The following REST variants were observed in gnomAD, a reference collection of about 807,000 sequenced individuals.
REST encodes RE1-silencing transcription factor.
A neutral mutation model predicts 30.4 loss-of-function variants in REST; 1 was observed. The observed-to-expected ratio is 0.03, with a 90% CI of 0.01 to 0.16. REST has a LOEUF of 0.16. Ranked by LOEUF, REST falls within the 10% of genes least tolerant of loss-of-function variation. The pLI is 1.00. For missense variants in REST, 1,259 were observed against 1,329.5 expected, an observed-to-expected ratio of 0.95 and a Z score of 0.82; for synonymous variants, 504 against 451.1, an observed-to-expected ratio of 1.12 and a Z score of -1.49.
rs1168765160 is a variant in REST at position 56,907,948 on chromosome 4, G to A, written c.-275G>A. The A allele has an allele frequency of 1.2e-5, 4 of 326,308 alleles. No homozygotes were observed. The highest frequency in any genetic ancestry group is 8.8e-5 in the African/African-American group (4 of 45,642). 20.2% of individuals were successfully genotyped at this position (326,308 alleles called of 1,614,324 possible). A position where few individuals can be genotyped will look rare whatever the true frequency, so the allele number is the denominator to read the frequency against. On this transcript the variant is annotated 5_prime_UTR_variant, in exon 1 of 4. Coordinates refer to ENST00000309042, the MANE Select transcript of REST (RefSeq NM_005612.5). Reference sequence around the variant, plus strand: ...TGGAATGTGCGGCTGCCGCGAGCTCGCGGCGCAGCAGCGGAGCGAGCGCCG... The same window carrying A: ...TGGAATGTGCGGCTGCCGCGAGCTCACGGCGCAGCAGCGGAGCGAGCGCCG...
Position 56,932,210 on chromosome 4 carries a change from C to T in REST, c.*58C>T. 1 of 1,495,064 alleles carries T rather than the reference C, an allele frequency of 6.7e-7. No individual in the cohort carries two copies. The highest frequency in any genetic ancestry group is 9.0e-7 in the Non-Finnish European group (1 of 1,114,840). 92.6% of individuals were successfully genotyped at this position (1,495,064 alleles called of 1,614,324 possible). Reference sequence around the variant, plus strand: ...TGTAAGGTATATTACATTTTATATTCATTTATGATAGCAGACAACCTTTTA... The same window carrying T: ...TGTAAGGTATATTACATTTTATATTTATTTATGATAGCAGACAACCTTTTA... On this transcript the variant is annotated 3_prime_UTR_variant, in exon 4 of 4. Coordinates refer to ENST00000309042, the MANE Select transcript of REST (RefSeq NM_005612.5).
intron 3 of REST, among the ~76,000 whole-genome samples, chr4:56,928,219 T>C (rs976127710): frequency 3.3e-5 from 5 of 152,098 alleles, no homozygotes; most frequent in African/African-American, 1.2e-4. Flanking sequence ...CAATTCTCCT[T>C]CTTCAGCCTC....
Position 56,930,114 on chromosome 4 carries a change from C to T in REST, c.1256C>T (p.Thr419Ile), listed in dbSNP as rs778391887. 6.8e-6 allele frequency: 11 copies of T among 1,613,698 alleles called. No individual in the cohort carries two copies. The highest frequency in any genetic ancestry group is 9.3e-6 in the Non-Finnish European group (11 of 1,179,960). The change falls in exon 4 of 4, where the codon ACA (threonine) becomes ATA (isoleucine). Residue 419 changes from threonine to isoleucine, a missense_variant. Thr to Ile is a moderately conservative substitution (Grantham distance 89, BLOSUM62 -1). Coordinates refer to ENST00000309042, the MANE Select transcript of REST (RefSeq NM_005612.5). ...KSKHPTCPNK[T>I]MDVSKVKLKK... ...AAGCATCCTACTTGTCCTAATAAAA[C>T]AATGGATGTCTCAAAAGTGAAACTA... is the stretch of plus-strand genomic sequence containing the variant.
rs1421664296 is a variant in REST, at chr4:56,907,941, C to T, written c.-282C>T. 3.2e-6 allele frequency: 1 copy of T among 313,560 alleles called. No homozygotes were observed. Among genetic ancestry groups the T allele is most frequent in the Non-Finnish European group, 5.8e-6 (1 of 172,508 alleles). The allele number at this position is 313,560 out of a possible 1,614,324, so 19.4% of individuals were successfully genotyped here. ...CCTGTGTTGGAATGTGCGGCTGCCG[C>T]GAGCTCGCGGCGCAGCAGCGGAGCG... On this transcript the variant is annotated 5_prime_UTR_variant, in exon 1 of 4. Transcript: ENST00000309042.
At position 56,935,762 on chromosome 4, in the gene REST, GTTAAAC is replaced by G. The variant is rs1405173724; in HGVS notation, c.*3616_*3621del. ...TTTTGGTCCAAATTATGTAGGATAAGTTAAACTTAAATTGCATTCTATTAACCAATA... is the reference window on the plus strand; with the variant it reads ...TTTTGGTCCAAATTATGTAGGATAAGTTAAATTGCATTCTATTAACCAATA... On this transcript the variant is annotated 3_prime_UTR_variant, in exon 4 of 4. Coordinates refer to ENST00000309042, the MANE Select transcript of REST (RefSeq NM_005612.5). The G allele has an allele frequency of 2.0e-5, 3 of 152,154 alleles. No individual in the cohort carries two copies. Among genetic ancestry groups the G allele is most frequent in the Non-Finnish European group, 2.9e-5 (2 of 68,026 alleles). 9.4% of individuals were successfully genotyped at this position (152,154 alleles called of 1,614,324 possible).
In REST at chr4:56,930,336, G is replaced by A. The variant is rs755693790; in HGVS notation, c.1478G>A (p.Arg493Gln). Residue 493 changes from arginine to glutamine, a missense_variant, in exon 4 of 4, where the codon CGA (arginine) becomes CAA (glutamine). Physicochemically the swap from Arg to Gln is conservative, Grantham distance 43. Around this residue, in one of 5 missense-constraint regions of REST, gnomAD observed 856 missense variants for 772.8 expected, o/e 1.11. Coordinates refer to ENST00000309042, the MANE Select transcript of REST (RefSeq NM_005612.5). Reference sequence around the variant, plus strand: ...GTGATCCAGGTGACTACCAGAACTCGAAAATCAGTAACAGAGGTGAAAGAG... The same window carrying A: ...GTGATCCAGGTGACTACCAGAACTCAAAAATCAGTAACAGAGGTGAAAGAG... ...VSVIQVTTRT[R>Q]KSVTEVKEMD... is the part of the protein sequence containing the mutation. The A allele has an allele frequency of 5.0e-6, 8 of 1,614,042 alleles. No individual in the cohort carries two copies. Among genetic ancestry groups the A allele is most frequent in the South Asian group, 1.1e-5 (1 of 91,076 alleles).
chr4:56,923,725 G>A (rs914565230), intron 3 of REST, among the ~76,000 whole-genome samples: 3 of 149,456 alleles, frequency 2.0e-5, no homozygotes, highest in Middle Eastern at 3.6e-3. Context: ...TTTAAATATC[G>A]TATTTATTTA....
chr4:56,916,711 A>G (rs560032943), intron 2 of REST, among the ~76,000 whole-genome samples: 3 of 152,352 alleles, frequency 2.0e-5, no homozygotes, highest in East Asian at 3.9e-4. Context: ...CTGCAGTGGT[A>G]TTTAATTTTT....
At chr4:56,922,904 G>A (rs550583760) in intron 3 of REST, among the ~76,000 whole-genome samples, 5 of 152,318 alleles carry the variant, frequency 3.3e-5, no homozygotes, top group African/African-American at 1.2e-4. Flanking sequence ...TTAATATAAT[G>A]TTAGGTCACT....
Position 56,907,981 on chromosome 4 carries a change from C to G in REST, c.-242C>G, listed in dbSNP as rs2109514586. On this transcript the variant is annotated 5_prime_UTR_variant, in exon 1 of 4. Transcript: ENST00000309042. ...GCAGCGGAGCGAGCGCCGCCGAGGC[C>G]CGGGGCCCCAGACCCTGGCGGCGGC... 2.7e-6 allele frequency: 1 copy of G among 366,166 alleles called. No homozygotes were observed. Among genetic ancestry groups the G allele is most frequent in the East Asian group, 3.9e-5 (1 of 25,944 alleles). The allele number at this position is 366,166 out of a possible 1,614,324, so 22.7% of individuals were successfully genotyped here.
At chr4:56,915,349 G>C (rs1029054708) in intron 2 of REST, among the ~76,000 whole-genome samples, 1 of 145,614 alleles carries the variant, frequency 6.9e-6, no homozygotes, top group Non-Finnish European at 1.5e-5. Context: ...GGGCTTAAGT[G>C]ATTCTCCTGC....
At chr4:56,908,463 C>G (rs1329861973) in intron 1 of REST, among the ~76,000 whole-genome samples, 3 of 152,098 alleles carry the variant, frequency 2.0e-5, no homozygotes, top group East Asian at 2.0e-4. Flanking sequence ...CCTGGACCCC[C>G]TCCCCACTGG....
Position 56,931,072 on chromosome 4 carries a change from G to C in REST, c.2214G>C (p.Glu738Asp). The C allele has an allele frequency of 3.6e-6, 5 of 1,385,904 alleles. No homozygotes were observed. Among genetic ancestry groups the C allele is most frequent in the Non-Finnish European group, 5.0e-6 (5 of 1,001,754 alleles). The allele number at this position is 1,385,904 out of a possible 1,614,324, so 85.9% of individuals were successfully genotyped here. The change falls in exon 4 of 4, where the codon GAG (glutamate) becomes GAC (aspartate). Residue 738 changes from glutamate to aspartate, a missense_variant. This residue lies in a region of REST where 856 missense variants were observed against 772.8 expected (regional missense o/e 1.11). Coordinates refer to ENST00000309042, the MANE Select transcript of REST (RefSeq NM_005612.5). ...PVQMELSPPM[E>D]VVQKEPVQIE... ...AGATGGAGCTGTCTCCTCCCATGGA[G>C]GTGGTCCAGAAGGAGCCTGTTCAGA...
In REST at chr4:56,911,030, C is replaced by G; in HGVS notation, c.392C>G (p.Pro131Arg). 6.2e-7 allele frequency: 1 copy of G among 1,614,094 alleles called. No homozygotes were observed. Among genetic ancestry groups the G allele is most frequent in the South Asian group, 1.1e-5 (1 of 91,080 alleles). The part of the protein sequence containing the change: ...PQPVFEASGA[P>R]DIYSSNKDLP... The stretch of plus-strand genomic sequence containing the variant: ...CCTGTATTTGAGGCATCAGGTGCTC[C>G]AGATATTTACAGTTCAAATAAAGAT... Residue 131 changes from proline (P) to arginine (R), a missense_variant, in exon 2 of 4, where the codon CCA (proline) becomes CGA (arginine). Physicochemically the swap from Pro to Arg is moderately radical, Grantham distance 103. Transcript: ENST00000309042.
rs545302721 is a variant in REST, at chr4:56,916,866, C to T, written c.899-2921C>T. On this transcript the variant is annotated intron_variant, in intron 2 of 3. Coordinates refer to ENST00000309042, the MANE Select transcript of REST (RefSeq NM_005612.5). ...TTTGTGTGGACGTATGTTTTTGTTT[C>T]TTTTGGATATATACCTAAGCGTGAG... 3.3e-5 allele frequency among the ~76,000 whole-genome samples: 5 copies of T among 152,262 alleles called. No individual in the cohort carries two copies. In the East Asian group the frequency reaches 9.6e-4, roughly 29 times the overall value.
In REST at chr4:56,931,082, A is replaced by G. The variant is rs1172721722; in HGVS notation, c.2224A>G (p.Lys742Glu). 3 of 1,384,954 alleles carry G rather than the reference A, an allele frequency of 2.2e-6. No individual in the cohort carries two copies. Among genetic ancestry groups the G allele is most frequent in the Non-Finnish European group, 3.0e-6 (3 of 1,000,944 alleles). 85.8% of individuals were successfully genotyped at this position (1,384,954 alleles called of 1,614,324 possible). ...ELSPPMEVVQKEPVQIELSPP... is the reference protein window; with the variant it reads ...ELSPPMEVVQEEPVQIELSPP... Reference sequence around the variant, plus strand: ...GTCTCCTCCCATGGAGGTGGTCCAGAAGGAGCCTGTTCAGATAGAGCTGTC... The same window carrying G: ...GTCTCCTCCCATGGAGGTGGTCCAGGAGGAGCCTGTTCAGATAGAGCTGTC... Residue 742 changes from lysine (K) to glutamate (E), a missense_variant, in exon 4 of 4, where the codon AAG becomes GAG. By Grantham distance (56) the Lys-to-Glu change is moderately conservative (BLOSUM62 1). Transcript: ENST00000309042.
intron 3 of REST, among the ~76,000 whole-genome samples, chr4:56,921,062 C>T (rs1720426021): frequency 6.6e-6 from 1 of 151,950 alleles, no homozygotes; most frequent in African/African-American, 2.4e-5. Context: ...GATGGGGTTT[C>T]ACCATGTTGG....
intron 3 of REST, chr4:56,927,712 G>A (rs1343413235): frequency 2.1e-6 from 2 of 964,272 alleles, no homozygotes; most frequent in South Asian, 3.3e-5. Context: ...TAATTTGGGG[G>A]TGGGGGTTCT....
rs1368071244 is a variant in REST at position 56,931,904 on chromosome 4, G to A, written c.3046G>A (p.Gly1016Arg). 1.2e-6 allele frequency: 2 copies of A among 1,614,110 alleles called. No individual in the cohort carries two copies. The highest frequency in any genetic ancestry group is 1.7e-6 in the Non-Finnish European group (2 of 1,180,048). Residue 1016 changes from glycine to arginine, a missense_variant, in exon 4 of 4, where the codon GGA (glycine) becomes AGA (arginine). Coordinates refer to ENST00000309042, the MANE Select transcript of REST (RefSeq NM_005612.5). The part of the protein sequence containing the change: ...DEDEGIHSHE[G>R]SDLSDNMSEG... ...AGATGAAGGCATCCACAGCCATGAA[G>A]GAAGTGACCTAAGTGACAACATGTC...
Sources: allele counts gnomAD v4.1 joint callset (sites outside exome capture counted in the v4.1 genomes callset), GRCh38; gene constraint gnomAD v4.1.1; regional missense constraint gnomAD v4.1.1; transcripts MANE v1.5; gene names NCBI Gene and HGNC (gene_info 2026-07-23, HGNC 2026-07-21).